Variants in CBL observed in about 807,000 individuals in gnomAD.
CBL encodes the protein E3 ubiquitin-protein ligase CBL.
CBL carries 45 observed loss-of-function variants against 96.9 expected under a neutral mutation model. The ratio of observed to expected loss-of-function variants is 0.46; its 90% CI spans 0.37 to 0.60. The LOEUF (loss-of-function observed/expected upper bound fraction) is 0.60. CBL is among the 20% of genes least tolerant of loss of function. The pLI, the probability that CBL is intolerant of heterozygous loss-of-function variation, is 0.00. For missense variants in CBL, 1,024 were observed against 1,143.5 expected (o/e 0.90, Z 1.51); for synonymous variants, 420 against 426.8 (o/e 0.98, Z 0.20).
chr11:119,242,344 C>G (rs946688151), intron 2 of CBL, among the ~76,000 whole-genome samples: 5 of 151,600 alleles, frequency 3.3e-5, no homozygotes, highest in Non-Finnish European at 7.4e-5. Flanking sequence ...GAGTTCGAGA[C>G]CAGCGTGAAC....
At chr11:119,227,230 C>T (rs1237563847) in intron 1 of CBL, among the ~76,000 whole-genome samples, 1 of 152,094 alleles carries the variant, frequency 6.6e-6, no homozygotes, top group African/African-American at 2.4e-5. Context: ...TGATTTTGCC[C>T]AACTCTAGGC....
At chr11:119,242,706 T>G (rs560254542) in intron 2 of CBL, among the ~76,000 whole-genome samples, 31 of 142,210 alleles carry the variant, frequency 2.2e-4, no homozygotes, top group Admixed American at 2.1e-3. Flanking sequence ...GCCGCTGCAC[T>G]ATAGCCTTGG....
chr11:119,237,989 A>C (rs1407683703), intron 2 of CBL, among the ~76,000 whole-genome samples: 5 of 151,474 alleles, frequency 3.3e-5, no homozygotes, highest in Admixed American at 2.0e-4. Flanking sequence ...CTCCTGCCTC[A>C]GCCTCCTGAG....
intron 9 of CBL, 150 bp from the exon 10 acceptor site, chr11:119,284,819 T>C: frequency 4.5e-6 from 4 of 897,354 alleles, no homozygotes; most frequent in Non-Finnish European, 7.2e-6. Flanking sequence ...CTGGAAGTTT[T>C]TTAAGAGGGT....
intron 6 of CBL, 127 bp downstream of exon 6, chr11:119,276,261 A>T (rs557442074): frequency 1.6e-4 from 164 of 1,007,774 alleles, no homozygotes; most frequent in Non-Finnish European, 2.4e-4. Context: ...TTAACAGATG[A>T]TATTGATTTG....
In CBL at chr11:119,273,861, T is replaced by TC. The variant is rs1435887861; in HGVS notation, c.591-3dup. On this transcript the variant is annotated splice_polypyrimidine_tract_variant and splice_region_variant and intron_variant, in intron 3 of 15. Transcript: ENST00000264033. ...CACTTTATGCCTCCTCTCCACCCCC[T>TC]CCCCAGGACAATAGTCCCTTGGAAG... The TC allele has an allele frequency of 1.9e-6, 3 of 1,612,840 alleles. No homozygotes were observed. The South Asian group carries it at 3.3e-5, about 18-fold the overall frequency.
Position 119,282,130 on chromosome 11 carries a change from A to G in CBL, c.1432-2839A>G, listed in dbSNP as rs190061690. On this transcript the variant is annotated intron_variant, in intron 9 of 15. Transcript: ENST00000264033. Reference sequence around the variant, plus strand: ...AAGCGGGCAGATCACCTGAGATCAGAAGTTCCATACCAGCCTGGCCAGTGT... The same window carrying G: ...AAGCGGGCAGATCACCTGAGATCAGGAGTTCCATACCAGCCTGGCCAGTGT... Among the ~76,000 whole-genome samples, 5 of 145,142 alleles carry G rather than the reference A, an allele frequency of 3.4e-5. No individual in the cohort carries two copies. The East Asian group carries it at 9.7e-4, about 28-fold the overall frequency.
rs11217194 is a variant in CBL, at chr11:119,226,858, T to A, written c.196-5590T>A. 2.0e-3 allele frequency among the ~76,000 whole-genome samples: 301 copies of A among 152,184 alleles called. 1 individual carries two copies. Among genetic ancestry groups the A allele is most frequent in the Non-Finnish European group, 3.4e-3 (228 of 68,014 alleles). ...ATTTAATTGAAAACTTAAAAACTTA[T>A]AGCTTAGGCTTTAGCATAATGTCTC... On this transcript the variant is annotated intron_variant, in intron 1 of 15. Transcript: ENST00000264033.
intron 1 of CBL, among the ~76,000 whole-genome samples, chr11:119,222,816 T>A (rs1053960789): frequency 7.9e-5 from 12 of 152,176 alleles, no homozygotes; most frequent in African/African-American, 2.4e-4. Context: ...GGAACCATTT[T>A]TTAAAAGAGG....
chr11:119,288,117 T>G (rs576507080), intron 12 of CBL, among the ~76,000 whole-genome samples, 171 bp downstream of exon 12: 30 of 152,370 alleles, frequency 2.0e-4, no homozygotes, highest in Non-Finnish European at 3.7e-4. Flanking sequence ...TTCCTTTTTC[T>G]GCATATGTGT....
chr11:119,233,755 CTT>C (rs1197031339), intron 2 of CBL, among the ~76,000 whole-genome samples: 2 of 152,032 alleles, frequency 1.3e-5, no homozygotes, highest in Non-Finnish European at 2.9e-5. Flanking sequence ...TGAGTAGTGA[CTT>C]GAATTAGAAG....
At chr11:119,240,449 G>T (rs1040941715) in intron 2 of CBL, among the ~76,000 whole-genome samples, 2 of 152,182 alleles carry the variant, frequency 1.3e-5, no homozygotes, top group African/African-American at 4.8e-5. Flanking sequence ...TCCATACTCA[G>T]TGCAGATTAA....
At position 119,260,939 on chromosome 11, in the gene CBL, CT is replaced by C. The variant is rs35248070; in HGVS notation, c.444-10776del. Among the ~76,000 whole-genome samples the C allele has an allele frequency of 1.8e-3, 161 of 89,912 alleles. 2 individuals carry two copies. Among genetic ancestry groups the C allele is most frequent in the Middle Eastern group, 6.9e-3 (1 of 144 alleles). 59.0% of individuals were successfully genotyped at this position (89,912 alleles called of 152,430 possible). A position where few individuals can be genotyped will look rare whatever the true frequency, so the allele number is the denominator to read the frequency against. ...TTTCACTTTGGCAGTTAAATCTCTA[CT>C]TTTTTTTTTTTTTTTTTTTAATGGA... On this transcript the variant is annotated intron_variant, in intron 2 of 15. Transcript: ENST00000264033.
At chr11:119,258,984 A>G (rs1949732414) in intron 2 of CBL, among the ~76,000 whole-genome samples, 1 of 151,920 alleles carries the variant, frequency 6.6e-6, no homozygotes, top group Non-Finnish European at 1.5e-5. Context: ...CCTTGTAGAG[A>G]TCTTTCATCT....
chr11:119,295,818 TC>T (rs548338925), intron 12 of CBL, among the ~76,000 whole-genome samples: 32 of 152,336 alleles, frequency 2.1e-4, no homozygotes, highest in African/African-American at 7.5e-4. Flanking sequence ...CATATACTGA[TC>T]ACCTGGATTC....
intron 1 of CBL, among the ~76,000 whole-genome samples, chr11:119,218,551 ACG>A (rs916648504): frequency 6.6e-6 from 1 of 152,220 alleles, no homozygotes; most frequent in Non-Finnish European, 1.5e-5. Flanking sequence ...GTTCTGAGTA[ACG>A]AGGTGAAATC....
intron 1 of CBL, among the ~76,000 whole-genome samples, chr11:119,227,567 T>TA (rs898324679): frequency 3.3e-5 from 5 of 151,866 alleles, no homozygotes; most frequent in African/African-American, 9.7e-5. Context: ...TTTTTTTTTT[T>TA]ATGACGGAGT....
chr11:119,293,068 A>G (rs1477147441), intron 12 of CBL, among the ~76,000 whole-genome samples: 3 of 151,542 alleles, frequency 2.0e-5, no homozygotes, highest in Non-Finnish European at 4.4e-5. Flanking sequence ...AAGTTCTAGT[A>G]TTTCCATGTG....
chr11:119,224,319 C>A (rs890043217), intron 1 of CBL, among the ~76,000 whole-genome samples: 1 of 151,854 alleles, frequency 6.6e-6, no homozygotes, highest in Non-Finnish European at 1.5e-5. Flanking sequence ...TGTGGTTGAC[C>A]CTAGAACAGC....
Sources: allele counts gnomAD v4.1 joint callset (sites outside exome capture counted in the v4.1 genomes callset), GRCh38; gene constraint gnomAD v4.1.1; transcripts MANE v1.5; gene names NCBI Gene and HGNC (gene_info 2026-07-23, HGNC 2026-07-21).